Variants in GRIK4 observed in about 807,000 individuals in gnomAD.
GRIK4 encodes the protein glutamate receptor ionotropic, kainate 4.
A neutral mutation model predicts 104.9 loss-of-function variants in GRIK4; 40 were observed. That is an observed-to-expected ratio of 0.38 (90% CI 0.30 to 0.50). GRIK4 has a LOEUF of 0.50. Ranked by LOEUF, GRIK4 falls within the 20% of genes least tolerant of loss-of-function variation. The pLI, the probability that GRIK4 is intolerant of heterozygous loss-of-function variation, is 0.93. For missense variants in GRIK4, 1,047 were observed against 1,308.1 expected (o/e 0.80, Z 3.08); for synonymous variants, 485 against 524.9 (o/e 0.92, Z 1.04).
intron 1 of GRIK4, among the ~76,000 whole-genome samples, chr11:120,638,164 G>C (rs763918502): frequency 2.6e-5 from 4 of 152,136 alleles, no homozygotes; most frequent in African/African-American, 4.8e-5. Flanking sequence ...ACAGGCATGA[G>C]CCACTATACC....
At chr11:120,918,900 A>C (rs563476515) in intron 13 of GRIK4, among the ~76,000 whole-genome samples, 1 of 152,236 alleles carries the variant, frequency 6.6e-6, no homozygotes, top group Non-Finnish European at 1.5e-5. Context: ...TTTATCATGC[A>C]TCATTTCCTC....
chr11:120,679,352 C>G (rs376937110), intron 3 of GRIK4, among the ~76,000 whole-genome samples: 1 of 152,134 alleles, frequency 6.6e-6, no homozygotes, highest in African/African-American at 2.4e-5. Flanking sequence ...GTAAACAGCC[C>G]AGGAAAAGAA....
chr11:120,771,003 T>C (rs1951930730), intron 3 of GRIK4, among the ~76,000 whole-genome samples: 1 of 151,960 alleles, frequency 6.6e-6, no homozygotes, highest in South Asian at 2.1e-4. Flanking sequence ...TAACAGAAAA[T>C]TGGTACCAAG....
chr11:120,983,412 G>T (rs1430068948), intron 20 of GRIK4, among the ~76,000 whole-genome samples: 1 of 152,134 alleles, frequency 6.6e-6, no homozygotes, highest in Non-Finnish European at 1.5e-5. Flanking sequence ...CCGAAAGGCC[G>T]ATGCTTAAAG....
chr11:120,518,126 C>G (rs527907198), intron 1 of GRIK4, among the ~76,000 whole-genome samples: 16 of 152,124 alleles, frequency 1.1e-4, no homozygotes, highest in African/African-American at 3.9e-4. Flanking sequence ...GTGTCTCCCT[C>G]CCAACCTCCA....
At chr11:120,883,627 A>T (rs1018534893) in intron 11 of GRIK4, among the ~76,000 whole-genome samples, 7 of 152,222 alleles carry the variant, frequency 4.6e-5, no homozygotes, top group Non-Finnish European at 1.0e-4. Context: ...CCCAAAGCAC[A>T]GGGACTTCCT....
chr11:120,639,339 T>G (rs1342654062), intron 1 of GRIK4, among the ~76,000 whole-genome samples: 1 of 152,224 alleles, frequency 6.6e-6, no homozygotes, highest in Non-Finnish European at 1.5e-5. Context: ...TTGGAGCTTA[T>G]CCTGGAACCA....
intron 4 of GRIK4, among the ~76,000 whole-genome samples, chr11:120,814,543 G>A (rs769876301): frequency 9.9e-5 from 15 of 152,156 alleles, no homozygotes; most frequent in Admixed American, 2.0e-4. Context: ...GCAGTGAGCC[G>A]AGATCGCACC....
intron 3 of GRIK4, among the ~76,000 whole-genome samples, chr11:120,750,120 T>C (rs1324332974): frequency 6.6e-6 from 1 of 152,062 alleles, no homozygotes; most frequent in African/African-American, 2.4e-5. Flanking sequence ...CACAGGCTAC[T>C]TTGTGGCAGA....
rs935259707 is a variant in GRIK4, at chr11:120,956,463, C to T, written c.1701-317C>T. Among the ~76,000 whole-genome samples the T allele has an allele frequency of 8.5e-5, 13 of 152,084 alleles. No individual in the cohort carries two copies. The highest frequency in any genetic ancestry group is 3.1e-4 in the African/African-American group (13 of 41,398). On this transcript the variant is annotated intron_variant, in intron 15 of 20. Transcript: ENST00000527524. The surrounding 1 kb of genome is among the most constrained non-coding windows in gnomAD (Gnocchi z 4.6). ...CAAGCAATCCACCCGCCTCGGCCTC[C>T]CAAAGTGCTGGGATTACAGGCATGA... is the stretch of plus-strand genomic sequence containing the variant.
intron 4 of GRIK4, among the ~76,000 whole-genome samples, chr11:120,808,428 C>T: frequency 6.6e-6 from 1 of 152,330 alleles, no homozygotes; most frequent in East Asian, 1.9e-4. Context: ...GGCACATGTG[C>T]CTGGCACTTG....
chr11:120,681,912 A>T (rs1274579192), intron 3 of GRIK4, among the ~76,000 whole-genome samples: 1 of 152,246 alleles, frequency 6.6e-6, no homozygotes, highest in African/African-American at 2.4e-5. Flanking sequence ...GGGAAGCATA[A>T]TGCCTGCTCT....
chr11:120,749,628 C>T (rs562167652), intron 3 of GRIK4, among the ~76,000 whole-genome samples: 1 of 152,200 alleles, frequency 6.6e-6, no homozygotes, highest in East Asian at 1.9e-4. Flanking sequence ...GAGGGTGTAG[C>T]CAAGCACAAT....
Position 120,733,077 on chromosome 11 carries a change from T to C in GRIK4, c.83-69616T>C, listed in dbSNP as rs914152467. 6.6e-5 allele frequency among the ~76,000 whole-genome samples: 10 copies of C among 151,588 alleles called. 1 individual carries two copies. The highest frequency in any genetic ancestry group is 1.9e-4 in the African/African-American group (8 of 41,290). ...TATCCTTTTGTTGAATTGACCTCTTTATCATTATATAATGACATTCTATGT... is the reference window on the plus strand; with the variant it reads ...TATCCTTTTGTTGAATTGACCTCTTCATCATTATATAATGACATTCTATGT... On this transcript the variant is annotated intron_variant, in intron 3 of 20. Coordinates refer to ENST00000527524, the MANE Select transcript of GRIK4 (RefSeq NM_014619.5).
At chr11:120,980,709 C>G (rs1591356223) in intron 19 of GRIK4, among the ~76,000 whole-genome samples, 1 of 152,284 alleles carries the variant, frequency 6.6e-6, no homozygotes, top group South Asian at 2.1e-4. Context: ...TTCCCACATT[C>G]ACACAGGTAC....
intron 1 of GRIK4, among the ~76,000 whole-genome samples, chr11:120,617,450 G>C (rs762573363): frequency 6.6e-6 from 1 of 152,094 alleles, no homozygotes; most frequent in Non-Finnish European, 1.5e-5. Flanking sequence ...CACGATCTCA[G>C]CTCACTGCAG....
intron 1 of GRIK4, among the ~76,000 whole-genome samples, chr11:120,545,356 T>C (rs1266226172): frequency 6.6e-6 from 1 of 152,180 alleles, no homozygotes; most frequent in African/African-American, 2.4e-5. Flanking sequence ...TATAAAGTGA[T>C]ATGTGCTCAT....
At chr11:120,864,203 A>ATTTT (rs1175787044) in intron 9 of GRIK4, among the ~76,000 whole-genome samples, 311 of 139,566 alleles carry the variant, frequency 2.2e-3, no homozygotes, top group African/African-American at 7.2e-3. Context: ...CAGTATTTTT[A>ATTTT]TTTTTATTTA....
chr11:120,859,117 A>G (rs955060355), intron 8 of GRIK4: 1 of 152,160 alleles, frequency 6.6e-6, no homozygotes, highest in Non-Finnish European at 1.5e-5. Context: ...TAATTAACTC[A>G]TTCATTCTTA....
Sources: gnomAD v4.1 joint callset for allele counts (sites outside exome capture counted in the v4.1 genomes callset) on GRCh38, gnomAD v4.1.1 for gene constraint, Gnocchi (gnomAD v3.1) non-coding constraint, MANE v1.5 for transcripts, NCBI Gene and HGNC (gene_info 2026-07-23, HGNC 2026-07-21) for gene names.